MAP2: variants seen among roughly 807,000 people sequenced by gnomAD.
MAP2 encodes the protein microtubule associated protein 2, also known as microtubule-associated protein 2.
MAP2 carries 14 observed loss-of-function variants against 137.6 expected under a neutral mutation model. The observed-to-expected ratio is 0.10, with a 90% CI of 0.07 to 0.16. MAP2 has a LOEUF of 0.16. Among genes scored for constraint, MAP2 ranks in the 10% least tolerant of loss-of-function variants. MAP2 has a pLI of 1.00. For synonymous variants in MAP2, 786 were observed against 782.3 expected (o/e 1.00, Z -0.08); for missense variants, 2,088 against 2,191.5 (o/e 0.95, Z 0.94).
intron 4 of MAP2, among the ~76,000 whole-genome samples, chr2:209,651,434 T>C (rs1017246861): frequency 4.6e-5 from 7 of 152,202 alleles, no homozygotes; most frequent in Non-Finnish European, 1.0e-4. Flanking sequence ...TGAATAATGA[T>C]ATAATTAACA....
intron 5 of MAP2, among the ~76,000 whole-genome samples, chr2:209,672,527 A>T (rs550038411): frequency 1.3e-5 from 2 of 152,068 alleles, no homozygotes; most frequent in Admixed American, 1.3e-4. Context: ...CAGATGTGGA[A>T]TCTGAAGGTT....
At chr2:209,711,997 T>C (rs1420258606) in intron 13 of MAP2, among the ~76,000 whole-genome samples, 1 of 152,116 alleles carries the variant, frequency 6.6e-6, no homozygotes, top group African/African-American at 2.4e-5. Flanking sequence ...CAAGATATTG[T>C]ATTAAAACTA....
rs1048230375 is a variant in MAP2 at position 209,564,491 on chromosome 2, G to GACTA, written c.-171-15542_-171-15541insAACT. ...ATGTTGGACTGATGGCTTACCTCTAGACTTCTGAGTAGAATTACACAAAGG... is the reference window on the plus strand; with the variant it reads ...ATGTTGGACTGATGGCTTACCTCTAGACTAACTTCTGAGTAGAATTACACAAAGG... On this transcript the variant is annotated intron_variant, in intron 2 of 15. Coordinates refer to ENST00000682079, the MANE Select transcript of MAP2 (RefSeq NM_001375505.1). Among the ~76,000 whole-genome samples the GACTA allele has an allele frequency of 3.5e-5, 5 of 140,958 alleles. No homozygotes were observed. In the Admixed American group the frequency reaches 3.8e-4, roughly 11 times the overall value. 92.5% of individuals were successfully genotyped at this position (140,958 alleles called of 152,430 possible).
intron 4 of MAP2, among the ~76,000 whole-genome samples, chr2:209,643,116 G>A (rs947176944): frequency 1.3e-5 from 2 of 152,058 alleles, no homozygotes; most frequent in Admixed American, 1.3e-4. Context: ...ATGATGATAG[G>A]GCAGAACACA....
Position 209,554,932 on chromosome 2 carries a change from T to A in MAP2, c.-171-25104T>A, listed in dbSNP as rs140622907. ...AATATATACACATTTTATGTATCTA[T>A]CATATATAAATATATATATTATTTT... On this transcript the variant is annotated intron_variant, in intron 2 of 15. Transcript: ENST00000682079. 6.2e-4 allele frequency among the ~76,000 whole-genome samples: 92 copies of A among 147,552 alleles called. 3 individuals are homozygous for A. The East Asian group carries it at 0.018, about 28-fold the overall frequency.
intron 2 of MAP2, among the ~76,000 whole-genome samples, chr2:209,540,487 C>G (rs929208276): frequency 6.7e-6 from 1 of 150,282 alleles, no homozygotes; most frequent in Non-Finnish European, 1.5e-5. Context: ...CGAAAATTGC[C>G]GAGCGTGGTG....
intron 7 of MAP2, among the ~76,000 whole-genome samples, chr2:209,685,278 GA>G (rs1254500388): frequency 1.3e-5 from 2 of 151,286 alleles, no homozygotes; most frequent in East Asian, 3.9e-4. Context: ...TTTCCTTTAA[GA>G]AAAAAAATCT....
At chr2:209,540,871 T>A (rs906925664) in intron 2 of MAP2, among the ~76,000 whole-genome samples, 2 of 150,588 alleles carry the variant, frequency 1.3e-5, no homozygotes, top group African/African-American at 5.0e-5. Context: ...TACTGCAGGT[T>A]TAGTTCTAGC....
intron 1 of MAP2, among the ~76,000 whole-genome samples, chr2:209,457,098 A>G (rs940639875): frequency 6.6e-6 from 1 of 152,236 alleles, no homozygotes; most frequent in African/African-American, 2.4e-5. Context: ...GTTTTACTGT[A>G]TAAAATGTGT....
intron 13 of MAP2, among the ~76,000 whole-genome samples, chr2:209,717,029 A>C (rs768437095): frequency 6.6e-6 from 1 of 152,178 alleles, no homozygotes; most frequent in Non-Finnish European, 1.5e-5. Flanking sequence ...AGAGGGAGGA[A>C]GAAGGGAATA....
chr2:209,443,035 A>G (rs1698202512), intron 1 of MAP2, among the ~76,000 whole-genome samples: 1 of 151,488 alleles, frequency 6.6e-6, no homozygotes, highest in Admixed American at 6.6e-5. Flanking sequence ...ATTTAACCAA[A>G]TCACTCCTCT....
intron 1 of MAP2, among the ~76,000 whole-genome samples, chr2:209,495,664 C>A (rs999215313): frequency 2.0e-5 from 3 of 152,194 alleles, no homozygotes; most frequent in Non-Finnish European, 4.4e-5. Context: ...GCTTAGTTTT[C>A]TCCTAGGAAT....
At chr2:209,495,101 G>A (rs1012812523) in intron 1 of MAP2, among the ~76,000 whole-genome samples, 36 of 152,256 alleles carry the variant, frequency 2.4e-4, no homozygotes, top group African/African-American at 8.4e-4. Context: ...CCAGCACAGT[G>A]CCGTAAGCTG....
At chr2:209,508,859 T>C (rs1313248712) in intron 2 of MAP2, among the ~76,000 whole-genome samples, 1 of 151,012 alleles carries the variant, frequency 6.6e-6, no homozygotes. Flanking sequence ...TTTATTCACT[T>C]CTGCATATGC....
intron 5 of MAP2, among the ~76,000 whole-genome samples, chr2:209,655,193 C>T (rs1400981927): frequency 6.6e-6 from 1 of 152,150 alleles, no homozygotes; most frequent in African/African-American, 2.4e-5. Flanking sequence ...TTAGGAACAT[C>T]CAGAGTTCAT....
chr2:209,565,383 AT>A (rs534830558), intron 2 of MAP2, among the ~76,000 whole-genome samples: 14 of 149,878 alleles, frequency 9.3e-5, no homozygotes, highest in Non-Finnish European at 1.5e-4. Context: ...ATGCCAGCTA[AT>A]TTTTTTTTTA....
chr2:209,680,014 G>T (rs2153687120), intron 6 of MAP2, among the ~76,000 whole-genome samples: 1 of 152,168 alleles, frequency 6.6e-6, no homozygotes, highest in Non-Finnish European at 1.5e-5. Flanking sequence ...TGTCATATGA[G>T]GGGGATCACA....
chr2:209,640,827 A>G (rs577529328), intron 4 of MAP2, among the ~76,000 whole-genome samples: 1 of 151,340 alleles, frequency 6.6e-6, no homozygotes, highest in South Asian at 2.1e-4. Context: ...ACTATCAAGC[A>G]TCTAATTTTT....
At chr2:209,452,029 T>A (rs1002542792) in intron 1 of MAP2, among the ~76,000 whole-genome samples, 2 of 152,228 alleles carry the variant, frequency 1.3e-5, no homozygotes, top group African/African-American at 4.8e-5. Context: ...TATTGATTGT[T>A]AATGCAATTT....
Sources: allele counts gnomAD v4.1 joint callset (sites outside exome capture counted in the v4.1 genomes callset), GRCh38; gene constraint gnomAD v4.1.1; transcripts MANE v1.5; gene names NCBI Gene and HGNC (gene_info 2026-07-23, HGNC 2026-07-21).